The following BMERB1 variants were observed in gnomAD, a reference collection of about 807,000 sequenced individuals.
BMERB1 encodes bMERB domain-containing protein 1.
Under a neutral mutation model 23.6 loss-of-function variants are expected in BMERB1, and 12 were observed. The observed-to-expected ratio is 0.51, with a 90% CI of 0.33 to 0.82. BMERB1 has a LOEUF of 0.82. Among genes scored for constraint, BMERB1 ranks in the 40% least tolerant of loss-of-function variants. BMERB1 has a pLI of 0.03. For missense variants in BMERB1, 247 were observed against 255.4 expected, an observed-to-expected ratio of 0.97 and a Z score of 0.22; for synonymous variants, 122 against 96.6, an observed-to-expected ratio of 1.26 and a Z score of -1.54.
intron 2 of BMERB1, among the ~76,000 whole-genome samples, chr16:15,538,313 C>T (rs142477757): frequency 0.019 from 2,854 of 152,208 alleles, 38 homozygotes; most frequent in Middle Eastern, 0.044. Context: ...ATTAACTGGG[C>T]ATGGTGGTGT....
At chr16:15,521,747 G>A (rs991257716) in intron 2 of BMERB1, among the ~76,000 whole-genome samples, 1 of 152,032 alleles carries the variant, frequency 6.6e-6, no homozygotes. Context: ...ACTGGAACAG[G>A]GCAGTAACAC....
At chr16:15,529,510 T>C (rs1019925238) in intron 2 of BMERB1, among the ~76,000 whole-genome samples, 1 of 152,136 alleles carries the variant, frequency 6.6e-6, no homozygotes, top group Non-Finnish European at 1.5e-5. Context: ...CTTAGAAGCC[T>C]TTTGTAAATT....
chr16:15,489,603 A>G lies in BMERB1; in HGVS notation c.107-25702A>G, dbSNP rs923252081. Among the ~76,000 whole-genome samples the G allele has an allele frequency of 2.0e-5, 3 of 152,088 alleles. No homozygotes were observed. In the South Asian group the frequency reaches 6.2e-4, roughly 32 times the overall value. On this transcript the variant is annotated intron_variant, in intron 1 of 5. Transcript: ENST00000300006. ...CCTGAAGAGCTTACAGCCTGGGTCAACCACTCACCACTCTCAGGAAAAGCA... is the reference window on the plus strand; with the variant it reads ...CCTGAAGAGCTTACAGCCTGGGTCAGCCACTCACCACTCTCAGGAAAAGCA...
intron 2 of BMERB1, among the ~76,000 whole-genome samples, chr16:15,550,710 G>GC (rs2030064573): frequency 6.6e-6 from 1 of 152,146 alleles, no homozygotes; most frequent in South Asian, 2.1e-4. Context: ...GAAGATGACA[G>GC]CCTGGTATAT....
chr16:15,476,768 C>T (rs2051278288), intron 1 of BMERB1, among the ~76,000 whole-genome samples: 1 of 152,138 alleles, frequency 6.6e-6, no homozygotes, highest in Non-Finnish European at 1.5e-5. Flanking sequence ...ATGGCTGTGG[C>T]AGGAAAATCA....
intron 1 of BMERB1, among the ~76,000 whole-genome samples, chr16:15,463,078 C>CTTTTTTTTTTTTTTTTTTTTTTTTTT (rs760698382): frequency 7.0e-6 from 1 of 143,362 alleles, no homozygotes; most frequent in Non-Finnish European, 1.5e-5. Context: ...GGATAAATTT[C>CTTTTTTTTTTTTTTTTTTTTTTTTTT]TTTTTTTTTT....
At chr16:15,544,846 A>G (rs1318599253) in intron 2 of BMERB1, among the ~76,000 whole-genome samples, 2 of 152,216 alleles carry the variant, frequency 1.3e-5, no homozygotes, top group African/African-American at 4.8e-5. Flanking sequence ...TTTAAAGGAA[A>G]GAATTAGGAA....
At chr16:15,500,130 A>C (rs564791698) in intron 1 of BMERB1, among the ~76,000 whole-genome samples, 1 of 152,126 alleles carries the variant, frequency 6.6e-6, no homozygotes, top group Non-Finnish European at 1.5e-5. Context: ...AGTCCCCTCC[A>C]CAGAGATACC....
intron 2 of BMERB1, among the ~76,000 whole-genome samples, chr16:15,548,732 C>T (rs2029996615): frequency 6.6e-6 from 1 of 152,170 alleles, no homozygotes; most frequent in Non-Finnish European, 1.5e-5. Flanking sequence ...AAGGAGACCA[C>T]TAATCACTAG....
chr16:15,579,366 A>T (rs2030950678), intron 3 of BMERB1, among the ~76,000 whole-genome samples: 1 of 152,166 alleles, frequency 6.6e-6, no homozygotes, highest in Admixed American at 6.5e-5. Context: ...TGACACCATC[A>T]TCCAATGCAC....
rs60785238 is a variant in BMERB1 at position 15,532,240 on chromosome 16, G to GT, written c.230+16821dup. ...CCTGTTTTGTTTTTTTGTTTTTTTT[G>GT]TTTTTTTTTGAGACAAAGTCTCACT... is the stretch of plus-strand genomic sequence containing the variant. On this transcript the variant is annotated intron_variant, in intron 2 of 5. Coordinates refer to ENST00000300006, the MANE Select transcript of BMERB1 (RefSeq NM_033201.3). Among the ~76,000 whole-genome samples, 853 of 149,722 alleles carry GT rather than the reference G, an allele frequency of 5.7e-3. 22 individuals are homozygous for GT. Among genetic ancestry groups the GT allele is most frequent in the Admixed American group, 0.042 (626 of 14,980 alleles).
chr16:15,495,447 G>A (rs1181257063), intron 1 of BMERB1, among the ~76,000 whole-genome samples: 1 of 151,184 alleles, frequency 6.6e-6, no homozygotes, highest in Non-Finnish European at 1.5e-5. Context: ...CTCACTACAA[G>A]CTCCGCCTCC....
intron 2 of BMERB1, among the ~76,000 whole-genome samples, chr16:15,532,101 GGAAT>G (rs1409376231): frequency 1.3e-5 from 2 of 152,080 alleles, no homozygotes; most frequent in African/African-American, 4.8e-5. Context: ...GTTGTCTCCT[GGAAT>G]TCCAGTCTAC....
intron 2 of BMERB1, among the ~76,000 whole-genome samples, chr16:15,552,304 G>A (rs2030114773): frequency 6.6e-6 from 1 of 152,088 alleles, no homozygotes; most frequent in African/African-American, 2.4e-5. Flanking sequence ...GCAGGGTATG[G>A]TGGTGTGCCC....
At chr16:15,438,493 G>C (rs2050908100) in intron 1 of BMERB1, among the ~76,000 whole-genome samples, 1 of 140,384 alleles carries the variant, frequency 7.1e-6, no homozygotes, top group Admixed American at 7.2e-5. Flanking sequence ...ACAGGGTCTT[G>C]CTCTGTCGCC....
intron 2 of BMERB1, among the ~76,000 whole-genome samples, chr16:15,517,369 C>T (rs371517417): frequency 4.7e-4 from 71 of 152,172 alleles, no homozygotes; most frequent in East Asian, 2.9e-3. Flanking sequence ...AATTTAGCCA[C>T]GTGTGGTGGC....
At chr16:15,488,875 C>A (rs1598467346) in intron 1 of BMERB1, among the ~76,000 whole-genome samples, 2 of 81,264 alleles carry the variant, frequency 2.5e-5, no homozygotes, top group African/African-American at 4.8e-5. Flanking sequence ...TTTTGTGCAA[C>A]AGAAAACTCA....
At chr16:15,586,451 A>G (rs1224211894) in intron 5 of BMERB1, among the ~76,000 whole-genome samples, 4 of 152,224 alleles carry the variant, frequency 2.6e-5, no homozygotes, top group Non-Finnish European at 4.4e-5. Flanking sequence ...TACAATGATG[A>G]TAACAGCTGA....
At chr16:15,585,619 C>T (rs976869735) in intron 5 of BMERB1, among the ~76,000 whole-genome samples, 1 of 152,134 alleles carries the variant, frequency 6.6e-6, no homozygotes, top group Non-Finnish European at 1.5e-5. Flanking sequence ...ATCATGAGGT[C>T]AGGAGCTCGA....
Sources: allele counts gnomAD v4.1 joint callset (sites outside exome capture counted in the v4.1 genomes callset), GRCh38; gene constraint gnomAD v4.1.1; transcripts MANE v1.5; gene names NCBI Gene and HGNC (gene_info 2026-07-23, HGNC 2026-07-21).